The following TRAPPC9 variants were observed in gnomAD, a reference collection of about 807,000 sequenced individuals.
TRAPPC9 encodes trafficking protein particle complex subunit 9.
A neutral mutation model predicts 124.0 loss-of-function variants in TRAPPC9; 83 were observed. The ratio of observed to expected loss-of-function variants is 0.67; its 90% confidence interval spans 0.56 to 0.80. The LOEUF (loss-of-function observed/expected upper bound fraction) is 0.80. Ranked by LOEUF, TRAPPC9 falls within the 30% of genes least tolerant of loss-of-function variation. The pLI is 0.00. For synonymous variants in TRAPPC9, 638 were observed against 617.5 expected, an observed-to-expected ratio of 1.03 and a Z score of -0.49; for missense variants, 1,302 against 1,508.3, an observed-to-expected ratio of 0.86 and a Z score of 2.27.
At position 140,033,672 on chromosome 8, in the gene TRAPPC9, T is replaced by TTTTTTTG. The variant is rs1840669784; in HGVS notation, c.2557-9594_2557-9593insCAAAAAA. 6.4e-5 allele frequency among the ~76,000 whole-genome samples: 6 copies of TTTTTTTG among 94,210 alleles called. 1 individual carries two copies. The highest frequency in any genetic ancestry group is 1.0e-4 in the Non-Finnish European group (5 of 48,236). 61.8% of individuals were successfully genotyped at this position (94,210 alleles called of 152,430 possible). A position where few individuals can be genotyped will look rare whatever the true frequency, so the allele number is the denominator to read the frequency against. On this transcript the variant is annotated intron_variant, in intron 17 of 22. Transcript: ENST00000438773. ...TTCATAATGTGGTTTTTTTTTTTTTTTTTTTTTTTTTTTTTTTTTTTTTTT... is the reference window on the plus strand; with the variant it reads ...TTCATAATGTGGTTTTTTTTTTTTTTTTTTTTGTTTTTTTTTTTTTTTTTTTTTTTTT...
intron 6 of TRAPPC9, among the ~76,000 whole-genome samples, chr8:140,401,552 T>C (rs1227932311): frequency 6.6e-6 from 1 of 152,216 alleles, no homozygotes; most frequent in Non-Finnish European, 1.5e-5. Context: ...TCATCACAAA[T>C]TTTTCCCACA....
At chr8:139,843,319 G>A (rs1826860329) in intron 21 of TRAPPC9, among the ~76,000 whole-genome samples, 1 of 152,202 alleles carries the variant, frequency 6.6e-6, no homozygotes, top group Non-Finnish European at 1.5e-5. Flanking sequence ...CTCGGCCCCG[G>A]GGCTGGTCAC....
intron 19 of TRAPPC9, among the ~76,000 whole-genome samples, chr8:139,946,758 A>G (rs1188720183): frequency 6.6e-6 from 1 of 151,684 alleles, no homozygotes; most frequent in African/African-American, 2.4e-5. Context: ...AGGCGGGTGG[A>G]TCACGAGGTC....
chr8:139,766,895 C>T (rs946301258), intron 21 of TRAPPC9, among the ~76,000 whole-genome samples: 9 of 152,372 alleles, frequency 5.9e-5, no homozygotes, highest in African/African-American at 2.2e-4. Context: ...TTGTGCGTCC[C>T]GCAGACCTGT....
chr8:139,992,442 G>A (rs150264363), intron 18 of TRAPPC9, among the ~76,000 whole-genome samples: 14 of 152,072 alleles, frequency 9.2e-5, no homozygotes, highest in Admixed American at 3.3e-4. Context: ...TGAGCATCAC[G>A]TCAGTGCTCA....
At chr8:140,357,633 G>A (rs1475505158) in intron 9 of TRAPPC9, among the ~76,000 whole-genome samples, 1 of 152,108 alleles carries the variant, frequency 6.6e-6, no homozygotes, top group Non-Finnish European at 1.5e-5. Context: ...GCTGGGGAGA[G>A]CAAACATTCA....
At chr8:139,989,136 A>T (rs1381935639) in intron 18 of TRAPPC9, among the ~76,000 whole-genome samples, 1 of 152,136 alleles carries the variant, frequency 6.6e-6, no homozygotes, top group East Asian at 1.9e-4. Context: ...AGGTAACCCG[A>T]ATTCTCCAAA....
At chr8:140,151,697 T>TGCG (rs1314205799) in intron 17 of TRAPPC9, among the ~76,000 whole-genome samples, 1 of 152,172 alleles carries the variant, frequency 6.6e-6, no homozygotes, top group East Asian at 1.9e-4. Context: ...AACACAGGAA[T>TGCG]GCGGTGGGAA....
Position 140,397,749 on chromosome 8 carries a change from C to A in TRAPPC9, c.1009-4G>T. On this transcript the variant is annotated splice_region_variant and splice_polypyrimidine_tract_variant and intron_variant, in intron 6 of 22. Coordinates refer to ENST00000438773, the MANE Select transcript of TRAPPC9 (RefSeq NM_001160372.4). Reference sequence around the variant, plus strand: ...CAATCACTCCCGCATTCTTATACTGCAGGGTGTAAAGGAAATGCCTCAGTC... The same window carrying A: ...CAATCACTCCCGCATTCTTATACTGAAGGGTGTAAAGGAAATGCCTCAGTC... 6.2e-7 allele frequency: 1 copy of A among 1,614,006 alleles called. No homozygotes were observed.
chr8:140,112,145 T>C (rs1339562987), intron 17 of TRAPPC9, among the ~76,000 whole-genome samples: 1 of 151,514 alleles, frequency 6.6e-6, no homozygotes, highest in East Asian at 1.9e-4. Flanking sequence ...ACGAGGAGAG[T>C]AATGGAGAAT....
At chr8:139,972,154 A>G (rs935173559) in intron 19 of TRAPPC9, among the ~76,000 whole-genome samples, 9 of 152,186 alleles carry the variant, frequency 5.9e-5, no homozygotes, top group African/African-American at 2.2e-4. Context: ...TTTTCAGTAT[A>G]AAGAACACAC....
At chr8:140,165,929 T>C (rs2130915405) in intron 17 of TRAPPC9, among the ~76,000 whole-genome samples, 1 of 152,252 alleles carries the variant, frequency 6.6e-6, no homozygotes, top group Non-Finnish European at 1.5e-5. Context: ...TTTTCTCTGC[T>C]CACGCTGCTG....
At chr8:140,215,793 C>CA (rs1275198705) in intron 17 of TRAPPC9, 1 of 152,214 alleles carries the variant, frequency 6.6e-6, no homozygotes, top group Non-Finnish European at 1.5e-5. Flanking sequence ...CTGGGAATGT[C>CA]AAGCACCCAA....
intron 19 of TRAPPC9, among the ~76,000 whole-genome samples, chr8:139,948,350 C>T (rs1157204792): frequency 6.6e-6 from 1 of 152,024 alleles, no homozygotes; most frequent in African/African-American, 2.4e-5. Context: ...GGTGTTCACA[C>T]CCTCCCTTTT....
chr8:140,260,844 A>AC (rs2064387703), intron 15 of TRAPPC9, among the ~76,000 whole-genome samples: 1 of 152,228 alleles, frequency 6.6e-6, no homozygotes, highest in Non-Finnish European at 1.5e-5. Context: ...CCTTATCTGA[A>AC]CCCATGAACC....
At chr8:140,207,892 C>T (rs528007387) in intron 17 of TRAPPC9, among the ~76,000 whole-genome samples, 2 of 152,196 alleles carry the variant, frequency 1.3e-5, no homozygotes, top group Non-Finnish European at 2.9e-5. Context: ...GTGGCTCATG[C>T]CTTAATCCCA....
At chr8:140,333,326 T>A (rs1447069092) in intron 9 of TRAPPC9, among the ~76,000 whole-genome samples, 3 of 152,222 alleles carry the variant, frequency 2.0e-5, no homozygotes, top group Non-Finnish European at 4.4e-5. Flanking sequence ...ATAAAAACTA[T>A]ATATATGTAG....
intron 2 of TRAPPC9, among the ~76,000 whole-genome samples, chr8:140,442,398 G>A (rs1021454691): frequency 2.0e-5 from 3 of 151,980 alleles, no homozygotes; most frequent in African/African-American, 7.3e-5. Flanking sequence ...AGGAGATTGA[G>A]ACCATCCTGG....
At chr8:140,457,776 C>A (rs889444257), upstream of TRAPPC9, 322 of 1,003,582 alleles carry the variant, frequency 3.2e-4, no homozygotes, top group Middle Eastern at 1.0e-3. Flanking sequence ...CCTGCGCGTG[C>A]GCGGAGGCCA....
Sources: allele counts gnomAD v4.1 joint callset (sites outside exome capture counted in the v4.1 genomes callset), GRCh38; gene constraint gnomAD v4.1.1; transcripts MANE v1.5; gene names NCBI Gene and HGNC (gene_info 2026-07-23, HGNC 2026-07-21).